The following SMC2 variants were observed in gnomAD, a reference collection of about 807,000 sequenced individuals.
SMC2 encodes the protein structural maintenance of chromosomes 2, also known as structural maintenance of chromosomes protein 2.
In SMC2, 41 loss-of-function variants were observed where a neutral mutation model predicts 142.6. The observed-to-expected ratio is 0.29, with a 90% confidence interval of 0.22 to 0.37. The LOEUF (loss-of-function observed/expected upper bound fraction) is 0.37. SMC2 is among the 10% of genes least tolerant of loss of function. The pLI is 1.00. For synonymous variants in SMC2, 463 were observed against 457.5 expected (o/e 1.01, Z -0.15); for missense variants, 1,265 against 1,373.7 (o/e 0.92, Z 1.25).
chr9:104,105,756 G>A (rs1183031997), intron 9 of SMC2, among the ~76,000 whole-genome samples: 1 of 152,118 alleles, frequency 6.6e-6, no homozygotes, highest in Non-Finnish European at 1.5e-5. Flanking sequence ...TGTGACATTA[G>A]GAATGCTAGG....
chr9:104,113,250 G>A (rs879374155), intron 10 of SMC2, 66 bp from the exon 11 acceptor site: 23 of 1,211,924 alleles, frequency 1.9e-5, no homozygotes, highest in African/African-American at 4.7e-5. Context: ...CTGAATCTTC[G>A]GCCATTTAAT....
At chr9:104,127,642 C>G (rs953075121) in intron 20 of SMC2, among the ~76,000 whole-genome samples, 162 bp downstream of exon 20, 2 of 152,162 alleles carry the variant, frequency 1.3e-5, no homozygotes, top group Non-Finnish European at 2.9e-5. Flanking sequence ...TTCAACAATG[C>G]TAATTTTCAA....
chr9:104,091,534 T>C (rs564894520), upstream of SMC2, among the ~76,000 whole-genome samples: 1 of 152,140 alleles, frequency 6.6e-6, no homozygotes, highest in Non-Finnish European at 1.5e-5. Context: ...TGAGACTCCT[T>C]CTCTGAAAAA....
chr9:104,129,571 A>T, intron 20 of SMC2, 74 bp from the exon 21 acceptor site: 1 of 1,128,392 alleles, frequency 8.9e-7, no homozygotes, highest in Non-Finnish European at 1.3e-6. Flanking sequence ...AGTATTAAAT[A>T]GTTAAGAAAC....
At chr9:104,114,643 T>A (rs200563515) in intron 12 of SMC2, 48 bp from the exon 13 acceptor site, 1 of 1,520,130 alleles carries the variant, frequency 6.6e-7, no homozygotes, top group African/African-American at 1.4e-5. Context: ...GTATAACTTT[T>A]TCTACTTTAT....
rs762256740 is a variant in SMC2 at position 104,120,124 on chromosome 9, A to G, written c.2094A>G (p.Leu698=). The G allele has an allele frequency of 3.1e-6, 5 of 1,613,646 alleles. No homozygotes were observed. Among genetic ancestry groups the G allele is most frequent in the East Asian group, 4.5e-5 (2 of 44,842 alleles). Residue 698 remains leucine (L), a synonymous_variant, in exon 16 of 25, where the codon CTA becomes CTG. Coordinates refer to ENST00000374793, the MANE Select transcript of SMC2 (RefSeq NM_006444.3). ...TCAAAGAGAATGAGCTGCGGGCTCT[A>G]GAAGAGGAATTAGCAGGTCTTAAAA... The part of the protein sequence containing the change: ...LRIKENELRA[L]EEELAGLKNT...
At chr9:104,119,971 G>A (rs934441136) in intron 15 of SMC2, 56 bp from the exon 16 acceptor site, 6 of 1,543,990 alleles carry the variant, frequency 3.9e-6, no homozygotes, top group Non-Finnish European at 4.4e-6. Context: ...ACTTTTTATT[G>A]TGTAGTACAT....
In SMC2 at chr9:104,126,657, C is replaced by T. The variant is rs1834327469; in HGVS notation, c.2468C>T (p.Thr823Ile). Reference sequence around the variant, plus strand: ...TTTTTATAGGAAGTTGAAGCTATCACTCTGGAACTGGAAGAGCTCAAGAGA... The same window carrying T: ...TTTTTATAGGAAGTTGAAGCTATCATTCTGGAACTGGAAGAGCTCAAGAGA... ...KEKQQEVEAI[T>I]LELEELKREH... The change falls in exon 19 of 25, where the codon ACT (threonine) becomes ATT (isoleucine). Residue 823 changes from threonine (T) to isoleucine (I), a missense_variant. Physicochemically the swap from Thr to Ile is moderately conservative, Grantham distance 89. Coordinates refer to ENST00000374793, the MANE Select transcript of SMC2 (RefSeq NM_006444.3). 1.2e-6 allele frequency: 2 copies of T among 1,608,484 alleles called. No individual in the cohort carries two copies. The highest frequency in any genetic ancestry group is 1.7e-6 in the Non-Finnish European group (2 of 1,178,806).
intron 8 of SMC2, 53 bp from the exon 9 acceptor site, chr9:104,102,371 A>G: frequency 6.7e-7 from 1 of 1,497,250 alleles, no homozygotes; most frequent in Non-Finnish European, 9.0e-7. Flanking sequence ...CAATAAAATG[A>G]CAGCGTGAAC....
chr9:104,139,366 T>A lies in SMC2; in HGVS notation c.*51T>A. ...ACCTGTTTTTTTAAATGTAAACTTTTAAGGACTTGAGATAACTAATTTGTT... is the reference window on the plus strand; with the variant it reads ...ACCTGTTTTTTTAAATGTAAACTTTAAAGGACTTGAGATAACTAATTTGTT... On this transcript the variant is annotated 3_prime_UTR_variant, in exon 25 of 25. Coordinates refer to ENST00000374793, the MANE Select transcript of SMC2 (RefSeq NM_006444.3). 3.5e-6 allele frequency: 5 copies of A among 1,449,230 alleles called. No homozygotes were observed. The highest frequency in any genetic ancestry group is 4.7e-6 in the Non-Finnish European group (5 of 1,072,898). The allele number at this position is 1,449,230 out of a possible 1,614,324, so 89.8% of individuals were successfully genotyped here.
Position 104,132,075 on chromosome 9 carries a change from G to A in SMC2, c.3058G>A (p.Glu1020Lys). The A allele has an allele frequency of 6.2e-7, 1 of 1,601,616 alleles. No homozygotes were observed. Among genetic ancestry groups the A allele is most frequent in the African/African-American group, 1.3e-5 (1 of 74,318 alleles). The change falls in exon 22 of 25, where the codon GAA (glutamate) becomes AAA (lysine). Residue 1020 changes from glutamate (E) to lysine (K), a missense_variant. Transcript: ENST00000374793. ...NDKSKILTTI[E>K]DLDQKKNQAL... ...CAAATCCAAAATTCTTACAACTATA[G>A]AAGACCTTGACCAGAAGAAAAACCA...
Position 104,120,083 on chromosome 9 carries a change from C to A in SMC2, c.2053C>A (p.Gln685Lys). 1 of 1,613,870 alleles carries A rather than the reference C, an allele frequency of 6.2e-7. No homozygotes were observed. ...CAAGTTTCAAGAACTCAAAGATGTT[C>A]AGGATGAACTGAGAATCAAAGAGAA... ...LTKFQELKDV[Q>K]DELRIKENEL... The change falls in exon 16 of 25, where the codon CAG becomes AAG. Residue 685 changes from glutamine to lysine, a missense_variant. Gln to Lys is a moderately conservative substitution (Grantham distance 53). Transcript: ENST00000374793.
intron 16 of SMC2, 136 bp downstream of exon 16, chr9:104,120,298 G>A (rs1037014959): frequency 8.8e-6 from 7 of 794,684 alleles, no homozygotes; most frequent in South Asian, 8.3e-5. Flanking sequence ...TGATTAAATT[G>A]TGAGTTGATA....
Position 104,101,947 on chromosome 9 carries a change from A to T in SMC2, c.637-13A>T, listed in dbSNP as rs768335166. ...AATTTTGAGTTATTCTTTTTTTGTG[A>T]TTTCTCTTTCAGGAAAGATCGTCCT... On this transcript the variant is annotated splice_polypyrimidine_tract_variant and intron_variant, in intron 7 of 24. Transcript: ENST00000374793. The T allele has an allele frequency of 7.5e-6, 11 of 1,470,012 alleles. No individual in the cohort carries two copies. The Admixed American group carries it at 1.3e-4, about 17-fold the overall frequency. The allele number at this position is 1,470,012 out of a possible 1,614,324, so 91.1% of individuals were successfully genotyped here.
intron 7 of SMC2, 94 bp downstream of exon 7, chr9:104,100,527 G>T: frequency 1.2e-6 from 1 of 835,848 alleles, no homozygotes; most frequent in South Asian, 1.7e-5. Context: ...TATTTCTTGG[G>T]GGTTTTTTTC....
chr9:104,134,601 A>AAATATTATG (rs2131559442), intron 23 of SMC2, 26 bp downstream of exon 23: 1 of 1,471,060 alleles, frequency 6.8e-7, no homozygotes, highest in Non-Finnish European at 9.2e-7. Flanking sequence ...GCTATATTAT[A>AAATATTATG]ATTTTCATTC....
chr9:104,110,199 T>A (rs1832267709), intron 9 of SMC2, among the ~76,000 whole-genome samples: 1 of 152,184 alleles, frequency 6.6e-6, no homozygotes, highest in African/African-American at 2.4e-5. Flanking sequence ...CTAGTGATAC[T>A]GAAAATGCTC....
Position 104,129,715 on chromosome 9 carries a change from C to T in SMC2, c.2861C>T (p.Ala954Val). The change falls in exon 21 of 25, where the codon GCC (alanine) becomes GTC (valine). Residue 954 changes from alanine (A) to valine (V), a missense_variant. Transcript: ENST00000374793. ...ERHLFGQPNSAYDFKTNNPKE... is the reference protein window; with the variant it reads ...ERHLFGQPNSVYDFKTNNPKE... ...CACCTCTTTGGCCAACCCAATAGTG[C>T]CTATGATTTCAAAACTAACAACCCT... The T allele has an allele frequency of 6.2e-7, 1 of 1,613,762 alleles. No individual in the cohort carries two copies. The highest frequency in any genetic ancestry group is 8.5e-7 in the Non-Finnish European group (1 of 1,179,814).
At chr9:104,135,366 A>C (rs1163341826) in intron 23 of SMC2, among the ~76,000 whole-genome samples, 1 of 152,208 alleles carries the variant, frequency 6.6e-6, no homozygotes, top group Non-Finnish European at 1.5e-5. Flanking sequence ...AAGAAAAATC[A>C]GTAAATTTGA....
Sources: gnomAD v4.1 joint callset for allele counts (sites outside exome capture counted in the v4.1 genomes callset) on GRCh38, gnomAD v4.1.1 for gene constraint, MANE v1.5 for transcripts, NCBI Gene and HGNC (gene_info 2026-07-23, HGNC 2026-07-21) for gene names.